NLGN1: variants seen among roughly 807,000 people sequenced by gnomAD.
NLGN1 encodes the protein neuroligin 1.
In NLGN1, 12 loss-of-function variants were observed where a neutral mutation model predicts 65.5. The ratio of observed to expected loss-of-function variants is 0.18; its 90% CI spans 0.12 to 0.30. The LOEUF (loss-of-function observed/expected upper bound fraction) is 0.30, where lower values mean the gene tolerates loss of function less well. NLGN1 is among the 10% of genes least tolerant of loss of function. The probability of loss-of-function intolerance (pLI) is 1.00; values close to 1 mark genes in which losing one functional copy is unlikely to be tolerated. For synonymous variants in NLGN1, 350 were observed against 359.5 expected (o/e 0.97, Z 0.30); for missense variants, 750 against 1,007.1 (o/e 0.74, Z 3.46).
At chr3:174,269,914 G>C (rs561550329) in intron 4 of NLGN1, among the ~76,000 whole-genome samples, 67 of 151,916 alleles carry the variant, frequency 4.4e-4, no homozygotes, top group African/African-American at 1.5e-3. Flanking sequence ...ATTTTTTAAT[G>C]ATTAGTGATG....
intron 4 of NLGN1, among the ~76,000 whole-genome samples, chr3:174,028,680 T>C (rs943589792): frequency 3.3e-5 from 5 of 152,196 alleles, no homozygotes; most frequent in Non-Finnish European, 7.3e-5. Context: ...CAGCCTGATA[T>C]TGTGATAGAA....
intron 2 of NLGN1, among the ~76,000 whole-genome samples, chr3:173,539,777 CATATATATGTACATATATACAT>C (rs960474832): frequency 1.7e-5 from 2 of 116,576 alleles, no homozygotes; most frequent in Non-Finnish European, 3.4e-5. Context: ...ATATATAACA[CATATATATGTACATATATACAT>C]ATATATACAT....
At chr3:174,162,986 C>G (rs763515888) in intron 4 of NLGN1, among the ~76,000 whole-genome samples, 1 of 151,838 alleles carries the variant, frequency 6.6e-6, no homozygotes, top group Admixed American at 6.6e-5. Context: ...CTTAGACTCA[C>G]ATCTTTAGCC....
intron 4 of NLGN1, among the ~76,000 whole-genome samples, chr3:173,843,144 C>A (rs1272765193): frequency 3.3e-5 from 5 of 152,196 alleles, no homozygotes; most frequent in Non-Finnish European, 7.3e-5. Context: ...TCCACATTTG[C>A]CCCTTTCAGA....
chr3:173,500,527 T>C (rs554446608), intron 2 of NLGN1, among the ~76,000 whole-genome samples: 3 of 152,244 alleles, frequency 2.0e-5, no homozygotes, highest in African/African-American at 7.2e-5. Context: ...TTTTTGTGTG[T>C]CTGTGCCAGG....
intron 3 of NLGN1, among the ~76,000 whole-genome samples, chr3:173,686,737 G>A (rs1470414610): frequency 6.6e-6 from 1 of 152,018 alleles, no homozygotes; most frequent in African/African-American, 2.4e-5. Context: ...GGCAGATCAC[G>A]AGGTTAGGAG....
intron 4 of NLGN1, among the ~76,000 whole-genome samples, chr3:174,240,742 C>A (rs1404002153): frequency 6.6e-6 from 1 of 152,024 alleles, no homozygotes; most frequent in Admixed American, 6.5e-5. Context: ...TATATAGCAC[C>A]CCTGAATTCA....
chr3:173,723,099 A>G (rs1423370891), intron 3 of NLGN1, among the ~76,000 whole-genome samples: 1 of 152,174 alleles, frequency 6.6e-6, no homozygotes, highest in Non-Finnish European at 1.5e-5. Context: ...GTGTGACACA[A>G]GGGTTCATGG....
intron 4 of NLGN1, among the ~76,000 whole-genome samples, chr3:174,123,979 A>G (rs967942937): frequency 1.5e-4 from 23 of 152,086 alleles, no homozygotes; most frequent in African/African-American, 4.3e-4. Context: ...GTGTGACTCT[A>G]TCTAGAGGTA....
intron 4 of NLGN1, among the ~76,000 whole-genome samples, chr3:174,034,352 T>C (rs1349265963): frequency 1.3e-5 from 2 of 152,044 alleles, no homozygotes; most frequent in South Asian, 2.1e-4. Context: ...GAAATTGATA[T>C]ATGTCAGAAA....
At chr3:174,033,145 G>A (rs1381235658) in intron 4 of NLGN1, among the ~76,000 whole-genome samples, 5 of 151,886 alleles carry the variant, frequency 3.3e-5, no homozygotes, top group African/African-American at 4.8e-5. Flanking sequence ...GTACCACCGC[G>A]CCACGGGGCC....
intron 2 of NLGN1, among the ~76,000 whole-genome samples, chr3:173,515,043 T>G (rs1042971314): frequency 6.6e-6 from 1 of 152,210 alleles, no homozygotes; most frequent in Non-Finnish European, 1.5e-5. Flanking sequence ...CTGAATTATA[T>G]GGTAGTTCTG....
intron 2 of NLGN1, among the ~76,000 whole-genome samples, chr3:173,454,047 C>T (rs764181320): frequency 6.6e-6 from 1 of 152,174 alleles, no homozygotes; most frequent in African/African-American, 2.4e-5. Context: ...TGTAAACAGG[C>T]ATGAAAACAG....
At chr3:174,030,068 C>T (rs1391164042) in intron 4 of NLGN1, among the ~76,000 whole-genome samples, 1 of 150,622 alleles carries the variant, frequency 6.6e-6, no homozygotes, top group Non-Finnish European at 1.5e-5. Flanking sequence ...TTTTATGGCA[C>T]TGGATAACAC....
At chr3:174,051,541 T>C (rs537965830) in intron 4 of NLGN1, among the ~76,000 whole-genome samples, 1 of 152,192 alleles carries the variant, frequency 6.6e-6, no homozygotes, top group South Asian at 2.1e-4. Flanking sequence ...CATAGCCTTA[T>C]GTATGACAAT....
chr3:174,073,094 A>G (rs1740240944), intron 4 of NLGN1, among the ~76,000 whole-genome samples: 1 of 152,118 alleles, frequency 6.6e-6, no homozygotes, highest in African/African-American at 2.4e-5. Flanking sequence ...ATATTGATAT[A>G]AATATATATA....
intron 3 of NLGN1, among the ~76,000 whole-genome samples, chr3:173,761,298 AT>A (rs1459150330): frequency 6.6e-6 from 1 of 151,990 alleles, no homozygotes; most frequent in Admixed American, 6.6e-5. Context: ...GTGACGTCTT[AT>A]TTTCTCTTCT....
exon 3 of NLGN1, chr3:173,604,813 A>C: frequency 6.2e-7 from 1 of 1,613,754 alleles, no homozygotes; most frequent in Non-Finnish European, 8.5e-7. Flanking sequence ...CTCAATAATG[A>C]AATTTTGGGG....
At chr3:173,957,875 C>T (rs1712496738) in intron 4 of NLGN1, among the ~76,000 whole-genome samples, 1 of 152,168 alleles carries the variant, frequency 6.6e-6, no homozygotes, top group Admixed American at 6.5e-5. Flanking sequence ...GCTTGTGCTA[C>T]TGGCCTGGAT....
Sources: gnomAD v4.1 joint callset for allele counts (sites outside exome capture counted in the v4.1 genomes callset) on GRCh38, gnomAD v4.1.1 for gene constraint, MANE v1.5 for transcripts, NCBI Gene and HGNC (gene_info 2026-07-23, HGNC 2026-07-21) for gene names.